The following MAGI1 variants were observed in gnomAD, a reference collection of about 807,000 sequenced individuals.
MAGI1 encodes the protein membrane associated guanylate kinase, WW and PDZ domain containing 1.
Under a neutral mutation model 139.9 loss-of-function variants are expected in MAGI1, and 58 were observed. The ratio of observed to expected loss-of-function variants is 0.41; its 90% confidence interval spans 0.34 to 0.52. The LOEUF (loss-of-function observed/expected upper bound fraction) is 0.52. Among genes scored for constraint, MAGI1 ranks in the 20% least tolerant of loss-of-function variants. MAGI1 has a pLI of 0.12. For missense variants in MAGI1, 1,874 were observed against 1,901.6 expected (o/e 0.99, Z 0.27); for synonymous variants, 812 against 737.9 (o/e 1.10, Z -1.63).
At position 65,356,315 on chromosome 3, in the gene MAGI1, C is replaced by CTTATT. The variant is rs935407848; in HGVS notation, c.*62_*63insAATAA. On this transcript the variant is annotated 3_prime_UTR_variant, in exon 23 of 23. Coordinates refer to ENST00000402939, the MANE Select transcript of MAGI1 (RefSeq NM_001033057.2). ...CATTAGGTAAGAAACTAAATAATTT[C>CTTATT]AGGTTTGTGACTTTCCTCTTAGAAC... 34 of 1,469,404 alleles carry CTTATT rather than the reference C, an allele frequency of 2.3e-5. No individual in the cohort carries two copies. The highest frequency in any genetic ancestry group is 3.0e-5 in the Non-Finnish European group (33 of 1,110,328). 91.0% of individuals were successfully genotyped at this position (1,469,404 alleles called of 1,614,324 possible).
chr3:65,643,191 A>G (rs1269034377), intron 1 of MAGI1, among the ~76,000 whole-genome samples: 1 of 152,158 alleles, frequency 6.6e-6, no homozygotes, highest in African/African-American at 2.4e-5. Flanking sequence ...TTTCCCTTCC[A>G]TTAGTGACTT....
At chr3:65,543,131 G>A (rs1446816203) in intron 2 of MAGI1, among the ~76,000 whole-genome samples, 1 of 151,996 alleles carries the variant, frequency 6.6e-6, no homozygotes. Flanking sequence ...AGACATTTAT[G>A]TGGCCAAGAA....
At chr3:65,627,086 A>G (rs959604131) in intron 1 of MAGI1, among the ~76,000 whole-genome samples, 7 of 152,208 alleles carry the variant, frequency 4.6e-5, no homozygotes, top group Non-Finnish European at 5.9e-5. Flanking sequence ...TGGGTCCAAA[A>G]TTACAACGCC....
intron 1 of MAGI1, chr3:65,902,496 C>T (rs2061272293): frequency 1.3e-5 from 2 of 152,580 alleles, no homozygotes; most frequent in African/African-American, 4.8e-5. Context: ...TAAGCTCCTA[C>T]AAGTCATTCA....
intron 3 of MAGI1, among the ~76,000 whole-genome samples, chr3:65,489,210 G>A (rs1951826511): frequency 6.6e-6 from 1 of 152,070 alleles, no homozygotes; most frequent in Non-Finnish European, 1.5e-5. Context: ...GCACTTTGAA[G>A]AGCACCTACT....
In MAGI1 at chr3:65,364,656, G is replaced by C. The variant is rs372482350; in HGVS notation, c.3351+9C>G. The stretch of plus-strand genomic sequence containing the variant: ...CAAAGTATAGAGAAAAAAGAGACAT[G>C]GTGCTCACCTGTGTTGCTTGGGGTG... On this transcript the variant is annotated intron_variant, in intron 20 of 22. Coordinates refer to ENST00000402939, the MANE Select transcript of MAGI1 (RefSeq NM_001033057.2). 8.8e-5 allele frequency: 142 copies of C among 1,612,558 alleles called. No individual in the cohort carries two copies. Among genetic ancestry groups the C allele is most frequent in the East Asian group, 1.8e-4 (8 of 44,882 alleles).
chr3:65,630,496 G>A (rs537580802), intron 1 of MAGI1, among the ~76,000 whole-genome samples: 2 of 152,220 alleles, frequency 1.3e-5, no homozygotes, highest in South Asian at 4.1e-4. Flanking sequence ...AGTGGATAAT[G>A]AAAAATGTGA....
At chr3:65,547,599 G>A (rs553675517) in intron 2 of MAGI1, among the ~76,000 whole-genome samples, 12 of 152,282 alleles carry the variant, frequency 7.9e-5, no homozygotes, top group African/African-American at 2.6e-4. Flanking sequence ...AGGGTTAAAA[G>A]CAGGAGCTCT....
At chr3:65,914,852 C>T (rs1292363434) in intron 1 of MAGI1, among the ~76,000 whole-genome samples, 2 of 152,114 alleles carry the variant, frequency 1.3e-5, no homozygotes, top group African/African-American at 2.4e-5. Context: ...TGCATGACCT[C>T]GGGTAAGATA....
intron 1 of MAGI1, among the ~76,000 whole-genome samples, chr3:65,690,115 CA>C (rs2088441146): frequency 6.6e-6 from 1 of 152,160 alleles, no homozygotes; most frequent in South Asian, 2.1e-4. Context: ...CCAAATCAGC[CA>C]ATGAGATTTA....
intron 2 of MAGI1, among the ~76,000 whole-genome samples, chr3:65,535,697 T>C (rs1460955811): frequency 2.0e-5 from 3 of 152,364 alleles, no homozygotes; most frequent in Non-Finnish European, 2.9e-5. Flanking sequence ...GTTTTATGCA[T>C]GTAACTACAA....
At chr3:65,785,052 C>T (rs373313001) in intron 1 of MAGI1, among the ~76,000 whole-genome samples, 1 of 152,058 alleles carries the variant, frequency 6.6e-6, no homozygotes, top group Non-Finnish European at 1.5e-5. Flanking sequence ...TAGTCGCACA[C>T]GCTGTGTATC....
chr3:65,737,244 A>T (rs2034841024), intron 1 of MAGI1, among the ~76,000 whole-genome samples: 1 of 152,174 alleles, frequency 6.6e-6, no homozygotes, highest in Non-Finnish European at 1.5e-5. Flanking sequence ...TGACCTCGTG[A>T]TCCACCTGCC....
At chr3:65,423,151 T>A (rs1042474297) in intron 12 of MAGI1, among the ~76,000 whole-genome samples, 1 of 152,268 alleles carries the variant, frequency 6.6e-6, no homozygotes, top group South Asian at 2.1e-4. Context: ...AAGATATCAC[T>A]CTATACACAA....
intron 12 of MAGI1, among the ~76,000 whole-genome samples, chr3:65,404,287 A>G (rs1007215900): frequency 6.6e-6 from 1 of 152,226 alleles, no homozygotes. Flanking sequence ...CACAAAGCCA[A>G]CCAGTCTGAA....
intron 1 of MAGI1, among the ~76,000 whole-genome samples, chr3:65,951,209 G>T (rs967832195): frequency 2.6e-5 from 4 of 152,220 alleles, no homozygotes; most frequent in African/African-American, 7.2e-5. Context: ...TCTGCATGTA[G>T]TCAGGCTCTG....
At chr3:65,521,822 T>G (rs1264246397) in intron 2 of MAGI1, among the ~76,000 whole-genome samples, 1 of 152,206 alleles carries the variant, frequency 6.6e-6, no homozygotes, top group African/African-American at 2.4e-5. Context: ...AAGCTACCAT[T>G]TCTCTGCTGA....
chr3:65,394,692 T>A (rs894800953), intron 13 of MAGI1, among the ~76,000 whole-genome samples: 2 of 151,830 alleles, frequency 1.3e-5, no homozygotes, highest in African/African-American at 4.8e-5. Flanking sequence ...ATTTTTTTTT[T>A]ATTTTCTGTT....
In MAGI1 at chr3:65,356,212, T is replaced by C. The variant is rs2106671731; in HGVS notation, c.*166A>G. The C allele has an allele frequency of 1.6e-6, 1 of 619,560 alleles. No individual in the cohort carries two copies. The highest frequency in any genetic ancestry group is 2.6e-6 in the Non-Finnish European group (1 of 386,108). 38.4% of individuals were successfully genotyped at this position (619,560 alleles called of 1,614,324 possible). A position where few individuals can be genotyped will look rare whatever the true frequency, so the allele number is the denominator to read the frequency against. On this transcript the variant is annotated 3_prime_UTR_variant, in exon 23 of 23. Coordinates refer to ENST00000402939, the MANE Select transcript of MAGI1 (RefSeq NM_001033057.2). ...GATACATCAGGCACAATACTTTTCA[T>C]ATATATTTTTTCTTATAAGATTTCA...
Sources: allele counts gnomAD v4.1 joint callset (sites outside exome capture counted in the v4.1 genomes callset), GRCh38; gene constraint gnomAD v4.1.1; transcripts MANE v1.5; gene names NCBI Gene and HGNC (gene_info 2026-07-23, HGNC 2026-07-21).